The following KCNMB4 variants were observed in gnomAD, a reference collection of about 807,000 sequenced individuals.
KCNMB4 encodes potassium calcium-activated channel subfamily M regulatory beta subunit 4.
KCNMB4 carries 3 observed loss-of-function variants against 20.7 expected under a neutral mutation model. The observed-to-expected ratio is 0.14, with a 90% CI of 0.07 to 0.37. KCNMB4 has a LOEUF of 0.37. KCNMB4 is among the 10% of genes least tolerant of loss of function. KCNMB4 has a pLI of 1.00. For missense variants in KCNMB4, 168 were observed against 265.9 expected, an observed-to-expected ratio of 0.63 and a Z score of 2.56; for synonymous variants, 110 against 113.4, an observed-to-expected ratio of 0.97 and a Z score of 0.19.
At position 70,421,624 on chromosome 12, in the gene KCNMB4, C is replaced by T. The variant is rs183807439; in HGVS notation, c.465-8861C>T. On this transcript the variant is annotated intron_variant, in intron 2 of 2. Transcript: ENST00000258111. Reference sequence around the variant, plus strand: ...TGAGACAGAGTCTCGCTCTGTCGCCCAGGCTGGAGTGCAGTGGCGCAATCT... The same window carrying T: ...TGAGACAGAGTCTCGCTCTGTCGCCTAGGCTGGAGTGCAGTGGCGCAATCT... Among the ~76,000 whole-genome samples the T allele has an allele frequency of 3.3e-3, 507 of 151,808 alleles. 1 individual carries two copies. Among genetic ancestry groups the T allele is most frequent in the Admixed American group, 7.3e-3 (111 of 15,260 alleles).
chr12:70,419,161 G>A (rs192250936), intron 2 of KCNMB4, among the ~76,000 whole-genome samples: 24 of 152,104 alleles, frequency 1.6e-4, no homozygotes, highest in Admixed American at 1.4e-3. Flanking sequence ...TTCCTTTAAG[G>A]AATTCTAAAA....
Position 70,433,374 on chromosome 12 carries a change from T to C in KCNMB4, c.*2721T>C, listed in dbSNP as rs1869417667. 6.6e-6 allele frequency: 1 copy of C among 152,182 alleles called. No individual in the cohort carries two copies. Among genetic ancestry groups the C allele is most frequent in the Non-Finnish European group, 1.5e-5 (1 of 68,028 alleles). 9.4% of individuals were successfully genotyped at this position (152,182 alleles called of 1,614,324 possible). A position where few individuals can be genotyped will look rare whatever the true frequency, so the allele number is the denominator to read the frequency against. ...GGGATATAGGAGTCATCTACCTTGT[T>C]AGTTCTCTTAATACCCAAGGGTATT... On this transcript the variant is annotated 3_prime_UTR_variant, in exon 3 of 3. Coordinates refer to ENST00000258111, the MANE Select transcript of KCNMB4 (RefSeq NM_014505.6).
At chr12:70,369,264 A>C (rs758666013) in intron 1 of KCNMB4, among the ~76,000 whole-genome samples, 3 of 152,174 alleles carry the variant, frequency 2.0e-5, no homozygotes, top group Non-Finnish European at 4.4e-5. Flanking sequence ...TCACCTTTCT[A>C]TTTTTGACCA....
At chr12:70,414,545 A>G (rs536552116) in intron 2 of KCNMB4, among the ~76,000 whole-genome samples, 1 of 152,152 alleles carries the variant, frequency 6.6e-6, no homozygotes, top group African/African-American at 2.4e-5. Context: ...ATCATTTGGG[A>G]TGCTTTTCTT....
At chr12:70,368,888 T>C (rs1883541738) in intron 1 of KCNMB4, among the ~76,000 whole-genome samples, 1 of 152,182 alleles carries the variant, frequency 6.6e-6, no homozygotes, top group Non-Finnish European at 1.5e-5. Flanking sequence ...AAAAAGTAAA[T>C]TGAAATCATT....
At chr12:70,390,411 CA>C (rs757879718) in intron 1 of KCNMB4, among the ~76,000 whole-genome samples, 56 of 152,350 alleles carry the variant, frequency 3.7e-4, no homozygotes, top group Non-Finnish European at 7.5e-4. Context: ...GTTGCATGTT[CA>C]GGCATTCAGA....
intron 1 of KCNMB4, among the ~76,000 whole-genome samples, chr12:70,373,208 TGTAA>T (rs1273669348): frequency 1.3e-5 from 2 of 152,026 alleles, no homozygotes; most frequent in Non-Finnish European, 2.9e-5. Flanking sequence ...CCTCAAAAAC[TGTAA>T]GTGTCTTATG....
At chr12:70,423,988 A>G (rs1395227371) in intron 2 of KCNMB4, among the ~76,000 whole-genome samples, 2 of 152,234 alleles carry the variant, frequency 1.3e-5, no homozygotes, top group African/African-American at 4.8e-5. Context: ...TAACATTTTT[A>G]TGAGCATGGG....
At chr12:70,424,974 C>T (rs1042825348) in intron 2 of KCNMB4, among the ~76,000 whole-genome samples, 2 of 152,178 alleles carry the variant, frequency 1.3e-5, no homozygotes, top group Non-Finnish European at 2.9e-5. Context: ...TATGCCAAAA[C>T]CAAATCCAAC....
rs1412627964 is a variant in KCNMB4 at position 70,389,197 on chromosome 12, CTG to C, written c.337-11010_337-11009del. Among the ~76,000 whole-genome samples the C allele has an allele frequency of 2.0e-5, 3 of 152,040 alleles. No homozygotes were observed. In the East Asian group the frequency reaches 5.8e-4, roughly 29 times the overall value. On this transcript the variant is annotated intron_variant, in intron 1 of 2. Coordinates refer to ENST00000258111, the MANE Select transcript of KCNMB4 (RefSeq NM_014505.6). ...CAACTTACTTTAACTATGTAAAGTA[CTG>C]TTCACTTCTATAACTTATTTTCCTT...
At chr12:70,376,448 G>A (rs1277229688) in intron 1 of KCNMB4, among the ~76,000 whole-genome samples, 3 of 152,028 alleles carry the variant, frequency 2.0e-5, no homozygotes, top group Non-Finnish European at 2.9e-5. Context: ...AACTCCTAAA[G>A]AACCTCCCCT....
At position 70,431,960 on chromosome 12, in the gene KCNMB4, G is replaced by T. The variant is rs1258962320; in HGVS notation, c.*1307G>T. On this transcript the variant is annotated 3_prime_UTR_variant, in exon 3 of 3. Transcript: ENST00000258111. ...CAAGTTCCCCTCAGTTATTTCCATG[G>T]AGCTGTAATATGTATATATGGAGTG... is the stretch of plus-strand genomic sequence containing the variant. 2 of 151,862 alleles carry T rather than the reference G, an allele frequency of 1.3e-5. No individual in the cohort carries two copies. Among genetic ancestry groups the T allele is most frequent in the East Asian group, 3.9e-4 (2 of 5,184 alleles). The allele number at this position is 151,862 out of a possible 1,614,324, so 9.4% of individuals were successfully genotyped here.
chr12:70,423,582 G>A (rs535830091), intron 2 of KCNMB4, among the ~76,000 whole-genome samples: 2 of 151,916 alleles, frequency 1.3e-5, no homozygotes, highest in Non-Finnish European at 2.9e-5. Context: ...AGGCTCAAGC[G>A]ATACTTTCAC....
In KCNMB4 at chr12:70,433,884, A is replaced by G. The variant is rs1869430462; in HGVS notation, c.*3231A>G. On this transcript the variant is annotated 3_prime_UTR_variant, in exon 3 of 3. Transcript: ENST00000258111. ...GTCTGAAACTTTTGAGGGACATCGC[A>G]GCTTTTGCAGCCCCTGCTTGCTGGT... 6.6e-6 allele frequency: 1 copy of G among 152,250 alleles called. No homozygotes were observed. The highest frequency in any genetic ancestry group is 2.4e-5 in the African/African-American group (1 of 41,458). 9.4% of individuals were successfully genotyped at this position (152,250 alleles called of 1,614,324 possible). A position where few individuals can be genotyped will look rare whatever the true frequency, so the allele number is the denominator to read the frequency against.
At position 70,366,710 on chromosome 12, in the gene KCNMB4, C is replaced by T; in HGVS notation, c.-25C>T. 2.6e-6 allele frequency: 4 copies of T among 1,518,036 alleles called. No homozygotes were observed. Among genetic ancestry groups the T allele is most frequent in the Non-Finnish European group, 2.6e-6 (3 of 1,134,496 alleles). 94.0% of individuals were successfully genotyped at this position (1,518,036 alleles called of 1,614,324 possible). ...GGGGCGGGAGGGGGCGGGGGGAGCA[C>T]GCCAGCCGCCGAGAGTGGGGGGCGA... On this transcript the variant is annotated 5_prime_UTR_variant, in exon 1 of 3. In the 5' UTR this introduces an upstream ATG that the reference lacks. Coordinates refer to ENST00000258111, the MANE Select transcript of KCNMB4 (RefSeq NM_014505.6).
rs867228450 is a variant in KCNMB4 at position 70,427,428 on chromosome 12, G to A, written c.465-3057G>A. On this transcript the variant is annotated intron_variant, in intron 2 of 2. Coordinates refer to ENST00000258111, the MANE Select transcript of KCNMB4 (RefSeq NM_014505.6). Reference sequence around the variant, plus strand: ...GAGAAATGATTTTCCTGTTGAAGGAGATTATGGAGCACCTTAGAGCTGTAG... The same window carrying A: ...GAGAAATGATTTTCCTGTTGAAGGAAATTATGGAGCACCTTAGAGCTGTAG... 1.2e-4 allele frequency among the ~76,000 whole-genome samples: 19 copies of A among 152,338 alleles called. No homozygotes were observed. The Middle Eastern group carries it at 0.014, about 109-fold the overall frequency.
At chr12:70,373,961 T>C (rs926724499) in intron 1 of KCNMB4, among the ~76,000 whole-genome samples, 1 of 152,200 alleles carries the variant, frequency 6.6e-6, no homozygotes, top group Non-Finnish European at 1.5e-5. Context: ...TTTAGGACTT[T>C]AGCTTGGGTG....
chr12:70,391,367 A>G (rs142768156), intron 1 of KCNMB4, among the ~76,000 whole-genome samples: 5,211 of 152,006 alleles, frequency 0.034, 158 homozygotes, highest in African/African-American at 0.083. Context: ...CAGTGGCACA[A>G]TCATAGCTCA....
intron 1 of KCNMB4, among the ~76,000 whole-genome samples, chr12:70,393,337 G>A (rs79656290): frequency 0.043 from 6,582 of 152,086 alleles, 448 homozygotes; most frequent in East Asian, 0.33. Context: ...TAAGTAGCTG[G>A]GATTACAGGC....
Sources: allele counts gnomAD v4.1 joint callset (sites outside exome capture counted in the v4.1 genomes callset), GRCh38; gene constraint gnomAD v4.1.1; transcripts MANE v1.5; gene names NCBI Gene and HGNC (gene_info 2026-07-23, HGNC 2026-07-21).